Variants in PAPPA2 observed in about 807,000 individuals in gnomAD.
The protein encoded by PAPPA2 is pappalysin-2.
PAPPA2 carries 86 observed loss-of-function variants against 176.4 expected under a neutral mutation model. That is an observed-to-expected ratio of 0.49 (90% CI 0.41 to 0.58). PAPPA2 has a LOEUF of 0.58. Ranked by LOEUF, PAPPA2 falls within the 20% of genes least tolerant of loss-of-function variation. The pLI, the probability that PAPPA2 is intolerant of heterozygous loss-of-function variation, is 0.00. For synonymous variants in PAPPA2, 809 were observed against 852.2 expected (o/e 0.95, Z 0.88); for missense variants, 2,073 against 2,256.9 (o/e 0.92, Z 1.65).
chr1:176,529,393 G>A (rs1373447160), intron 1 of PAPPA2, among the ~76,000 whole-genome samples: 2 of 151,532 alleles, frequency 1.3e-5, no homozygotes, highest in South Asian at 2.1e-4. Flanking sequence ...TCTCCTTCCA[G>A]CCTTTAGTAA....
chr1:176,631,068 G>A (rs930187220), intron 3 of PAPPA2, among the ~76,000 whole-genome samples: 2 of 152,130 alleles, frequency 1.3e-5, no homozygotes, highest in Non-Finnish European at 2.9e-5. Flanking sequence ...AAAATGCTTC[G>A]ACGAAACTGG....
intron 17 of PAPPA2, among the ~76,000 whole-genome samples, chr1:176,777,165 A>T (rs1664491896): frequency 6.6e-6 from 1 of 152,186 alleles, no homozygotes; most frequent in African/African-American, 2.4e-5. Flanking sequence ...AACCAATGAG[A>T]AGAGCAACAC....
At chr1:176,511,554 C>T (rs1043722268) in intron 1 of PAPPA2, among the ~76,000 whole-genome samples, 1 of 152,124 alleles carries the variant, frequency 6.6e-6, no homozygotes, top group African/African-American at 2.4e-5. Flanking sequence ...ACTAGGCAAA[C>T]GGTACCTAGA....
chr1:176,573,963 A>AT lies in PAPPA2; in HGVS notation c.919+16733dup, dbSNP rs34398958. On this transcript the variant is annotated intron_variant, in intron 2 of 22. Transcript: ENST00000367662. ...TTGGGTGGGAAAGGGTAATAAATGGATTTTTTTTTTTAATTAGGGGAAGTG... is the reference window on the plus strand; with the variant it reads ...TTGGGTGGGAAAGGGTAATAAATGGATTTTTTTTTTTTAATTAGGGGAAGTG... Among the ~76,000 whole-genome samples, 970 of 149,444 alleles carry AT rather than the reference A, an allele frequency of 6.5e-3. 16 individuals carry two copies. The highest frequency in any genetic ancestry group is 0.048 in the East Asian group (243 of 5,038).
At chr1:176,627,982 T>C (rs1656122759) in intron 3 of PAPPA2, among the ~76,000 whole-genome samples, 1 of 152,030 alleles carries the variant, frequency 6.6e-6, no homozygotes, top group African/African-American at 2.4e-5. Flanking sequence ...AGGTATGAAA[T>C]GGTCATTAGG....
At chr1:176,562,933 A>G (rs1225222845) in intron 2 of PAPPA2, among the ~76,000 whole-genome samples, 1 of 152,082 alleles carries the variant, frequency 6.6e-6, no homozygotes, top group Non-Finnish European at 1.5e-5. Flanking sequence ...TCCCTATGGG[A>G]AAGTAATTTT....
intron 1 of PAPPA2, chr1:176,553,633 G>A (rs1457774916): frequency 6.6e-6 from 1 of 152,062 alleles, no homozygotes; most frequent in East Asian, 1.9e-4. Context: ...CTGAGAGCCA[G>A]GAGAGACCTA....
intron 1 of PAPPA2, among the ~76,000 whole-genome samples, chr1:176,479,020 G>A (rs759268612): frequency 2.6e-5 from 4 of 152,040 alleles, no homozygotes; most frequent in African/African-American, 9.7e-5. Context: ...CCATCGATGA[G>A]GATATTTTCT....
rs1018321407 is a variant in PAPPA2 at position 176,831,288 on chromosome 1, G to A, written c.5203-8885G>A. ...TACCCAACACCTTACCATCAGCAAG[G>A]CCTCTGAGTCAGAGGAGGGCCAGGA... On this transcript the variant is annotated intron_variant, in intron 21 of 22. Coordinates refer to ENST00000367662, the MANE Select transcript of PAPPA2 (RefSeq NM_020318.3). 4.6e-5 allele frequency among the ~76,000 whole-genome samples: 7 copies of A among 152,298 alleles called. No individual in the cohort carries two copies. In the South Asian group the frequency reaches 1.0e-3, roughly 23 times the overall value.
chr1:176,521,667 G>A (rs1440023903), intron 1 of PAPPA2, among the ~76,000 whole-genome samples: 2 of 152,144 alleles, frequency 1.3e-5, no homozygotes, highest in Non-Finnish European at 2.9e-5. Flanking sequence ...GCTTTGGCAA[G>A]GGAATGGCAG....
At chr1:176,541,504 C>A (rs1046215329) in intron 1 of PAPPA2, among the ~76,000 whole-genome samples, 2 of 152,130 alleles carry the variant, frequency 1.3e-5, no homozygotes, top group African/African-American at 2.4e-5. Context: ...TTGGAAATCA[C>A]CCCTAGCATC....
At chr1:176,830,701 G>GA (rs528414068) in intron 21 of PAPPA2, among the ~76,000 whole-genome samples, 706 of 152,316 alleles carry the variant, frequency 4.6e-3, no homozygotes, top group Admixed American at 7.7e-3. Context: ...ATGAAAGCAA[G>GA]AAAAAGGAAA....
intron 1 of PAPPA2, among the ~76,000 whole-genome samples, chr1:176,504,331 T>A (rs751711983): frequency 6.6e-6 from 1 of 152,186 alleles, no homozygotes; most frequent in Non-Finnish European, 1.5e-5. Flanking sequence ...TTCAGAGGCA[T>A]CAATTTTCTG....
At chr1:176,753,595 A>T (rs1571275015) in intron 14 of PAPPA2, among the ~76,000 whole-genome samples, 1 of 76,008 alleles carries the variant, frequency 1.3e-5, no homozygotes, top group African/African-American at 5.8e-5. Context: ...TAGGGAGTGC[A>T]TTTTAAAGCA....
At chr1:176,823,872 C>T (rs1666760464) in intron 21 of PAPPA2, among the ~76,000 whole-genome samples, 1 of 152,060 alleles carries the variant, frequency 6.6e-6, no homozygotes, top group Non-Finnish European at 1.5e-5. Flanking sequence ...GATGTATAGT[C>T]TAAGAAGAAA....
chr1:176,706,302 C>T (rs1660878257), intron 9 of PAPPA2, 57 bp from the exon 10 acceptor site: 1 of 1,478,602 alleles, frequency 6.8e-7, no homozygotes, highest in Admixed American at 1.8e-5. Flanking sequence ...ATGATGGTAG[C>T]TAAACAAGAA....
chr1:176,633,021 G>T (rs1054791339), intron 3 of PAPPA2, among the ~76,000 whole-genome samples: 10 of 152,058 alleles, frequency 6.6e-5, no homozygotes, highest in Non-Finnish European at 1.5e-4. Flanking sequence ...CTAGGCCCTG[G>T]TCTAAGTACT....
chr1:176,558,944 G>C (rs1420475196), intron 2 of PAPPA2, among the ~76,000 whole-genome samples: 1 of 152,170 alleles, frequency 6.6e-6, no homozygotes, highest in African/African-American at 2.4e-5. Context: ...TGGGTTACTA[G>C]AGGCCAAACC....
At chr1:176,623,408 A>T (rs1655703589) in intron 3 of PAPPA2, among the ~76,000 whole-genome samples, 1 of 152,150 alleles carries the variant, frequency 6.6e-6, no homozygotes, top group Non-Finnish European at 1.5e-5. Context: ...GAAAGTCAGG[A>T]GGCCATTGAA....
Sources: allele counts gnomAD v4.1 joint callset (sites outside exome capture counted in the v4.1 genomes callset), GRCh38; gene constraint gnomAD v4.1.1; transcripts MANE v1.5; gene names NCBI Gene and HGNC (gene_info 2026-07-23, HGNC 2026-07-21).